Variants in FKTN observed in about 807,000 individuals in gnomAD.
The protein encoded by FKTN is ribitol-5-phosphate transferase FKTN.
Under a neutral mutation model 58.6 loss-of-function variants are expected in FKTN, and 47 were observed. That is an observed-to-expected ratio of 0.80 (90% CI 0.63 to 1.02). The LOEUF (loss-of-function observed/expected upper bound fraction) is 1.02. Among genes scored for constraint, FKTN ranks in the 50% least tolerant of loss-of-function variants. The pLI is 0.00. For synonymous variants in FKTN, 178 were observed against 191.9 expected (o/e 0.93, Z 0.60); for missense variants, 516 against 537.3 (o/e 0.96, Z 0.39).
chr9:105,578,600 A>G (rs1842228506), intron 3 of FKTN, among the ~76,000 whole-genome samples: 1 of 151,702 alleles, frequency 6.6e-6, no homozygotes, highest in South Asian at 2.1e-4. Flanking sequence ...TTTTGCATCA[A>G]TGTTCATCAA....
intron 6 of FKTN, among the ~76,000 whole-genome samples, chr9:105,606,750 T>A (rs964600604): frequency 6.6e-6 from 1 of 150,824 alleles, no homozygotes; most frequent in Non-Finnish European, 1.5e-5. Flanking sequence ...TTCTTATTAG[T>A]ACTTAAAGTC....
intron 1 of FKTN, among the ~76,000 whole-genome samples, chr9:105,565,368 G>T (rs4542857): frequency 1.3e-5 from 2 of 152,232 alleles, no homozygotes; most frequent in South Asian, 4.1e-4. Flanking sequence ...TGGATAAAGA[G>T]TCAAGACCCA....
At chr9:105,577,202 G>A (rs1282669779) in intron 3 of FKTN, among the ~76,000 whole-genome samples, 1 of 150,858 alleles carries the variant, frequency 6.6e-6, no homozygotes, top group East Asian at 1.9e-4. Flanking sequence ...TTTGTCTTTT[G>A]TTGCTATTGC....
intron 3 of FKTN, among the ~76,000 whole-genome samples, chr9:105,582,321 G>A (rs150847202): frequency 6.6e-6 from 1 of 152,300 alleles, no homozygotes; most frequent in East Asian, 1.9e-4. Context: ...CTCCTGAGTT[G>A]TTAGGAGGAC....
chr9:105,632,229 G>A (rs950641537), intron 10 of FKTN, among the ~76,000 whole-genome samples: 1 of 151,616 alleles, frequency 6.6e-6, no homozygotes, highest in Non-Finnish European at 1.5e-5. Context: ...GAGATCACAT[G>A]GACACAGGAA....
chr9:105,638,488 A>G lies in FKTN; in HGVS notation c.*3224A>G. 1 of 985,384 alleles carries G rather than the reference A, an allele frequency of 1.0e-6. No individual in the cohort carries two copies. The highest frequency in any genetic ancestry group is 1.2e-6 in the Non-Finnish European group (1 of 829,930). The allele number at this position is 985,384 out of a possible 1,614,324, so 61.0% of individuals were successfully genotyped here. A position where few individuals can be genotyped will look rare whatever the true frequency, so the allele number is the denominator to read the frequency against. On this transcript the variant is annotated 3_prime_UTR_variant, in exon 11 of 11. Coordinates refer to ENST00000357998, the MANE Select transcript of FKTN (RefSeq NM_001079802.2). ...ATTCTCTAAGCTCAAGATGCATCCCATTGCCACTTTACCATTCTATTTCCC... is the reference window on the plus strand; with the variant it reads ...ATTCTCTAAGCTCAAGATGCATCCCGTTGCCACTTTACCATTCTATTTCCC...
intron 10 of FKTN, among the ~76,000 whole-genome samples, chr9:105,625,575 AG>A (rs988747693): frequency 1.3e-5 from 2 of 152,198 alleles, no homozygotes; most frequent in African/African-American, 4.8e-5. Flanking sequence ...TGGGTGGTTG[AG>A]GACCTATGCT....
chr9:105,604,215 G>A lies in FKTN; in HGVS notation c.370G>A (p.Glu124Lys). The change falls in exon 6 of 11, where the codon GAA (glutamate) becomes AAA (lysine). Residue 124 changes from glutamate to lysine, a missense_variant and splice_region_variant. Transcript: ENST00000357998. ...ATGTTTGATGCTTCTTTGGTTCTAG[G>A]AAGGCTGGTTTCGGATAGCTGAGAA... ...ALQYHLWKNE[E>K]GWFRIAENMG... 1 of 1,612,284 alleles carries A rather than the reference G, an allele frequency of 6.2e-7. No individual in the cohort carries two copies. Among genetic ancestry groups the A allele is most frequent in the South Asian group, 1.1e-5 (1 of 90,998 alleles).
At chr9:105,609,048 CT>C (rs1829423908) in intron 7 of FKTN, among the ~76,000 whole-genome samples, 1 of 152,168 alleles carries the variant, frequency 6.6e-6, no homozygotes. Flanking sequence ...GTCTTGTCCT[CT>C]TATCAAATTT....
At chr9:105,558,751 C>T (rs1482956110) in intron 1 of FKTN, among the ~76,000 whole-genome samples, 2 of 151,856 alleles carry the variant, frequency 1.3e-5, no homozygotes, top group Non-Finnish European at 2.9e-5. Flanking sequence ...AATGATAGAG[C>T]AGTATATTAG....
intron 3 of FKTN, among the ~76,000 whole-genome samples, chr9:105,579,725 G>A (rs1034736569): frequency 7.0e-6 from 1 of 141,966 alleles, no homozygotes; most frequent in South Asian, 2.5e-4. Context: ...TATCCTTGTT[G>A]ACTTTCTGTC....
At position 105,564,915 on chromosome 9, in the gene FKTN, A is replaced by T. The variant is rs192175287; in HGVS notation, c.-181+6750A>T. On this transcript the variant is annotated intron_variant, in intron 1 of 10. Transcript: ENST00000357998. ...GCCAGAGAGAAAGGTCGGGTTACCC[A>T]CAAAGGGAAGCCCATCAGACTAACA... is the stretch of plus-strand genomic sequence containing the variant. 4.0e-3 allele frequency among the ~76,000 whole-genome samples: 603 copies of T among 152,352 alleles called. 6 individuals are homozygous for T. Among genetic ancestry groups the T allele is most frequent in the African/African-American group, 0.013 (548 of 41,590 alleles).
intron 3 of FKTN, among the ~76,000 whole-genome samples, chr9:105,584,150 C>T (rs1843499000): frequency 6.6e-6 from 1 of 152,124 alleles, no homozygotes; most frequent in African/African-American, 2.4e-5. Flanking sequence ...GAGGCAATAA[C>T]AGTACCACCT....
chr9:105,566,017 A>G (rs1839520051), intron 1 of FKTN, among the ~76,000 whole-genome samples: 1 of 152,240 alleles, frequency 6.6e-6, no homozygotes, highest in Non-Finnish European at 1.5e-5. Context: ...GCTCAAATAC[A>G]TGGAAACTGA....
At chr9:105,602,961 T>C (rs141131361) in intron 5 of FKTN, among the ~76,000 whole-genome samples, 22 of 152,296 alleles carry the variant, frequency 1.4e-4, no homozygotes, top group African/African-American at 4.3e-4. Flanking sequence ...TTGCATGTGA[T>C]TTTTCTTTAT....
At chr9:105,582,237 G>T (rs537400790) in intron 3 of FKTN, among the ~76,000 whole-genome samples, 2 of 151,450 alleles carry the variant, frequency 1.3e-5, no homozygotes, top group South Asian at 2.1e-4. Flanking sequence ...CGTCACCCAG[G>T]CTGAAGTACA....
At chr9:105,571,578 G>A (rs1455798611) in intron 1 of FKTN, among the ~76,000 whole-genome samples, 1 of 152,172 alleles carries the variant, frequency 6.6e-6, no homozygotes, top group Admixed American at 6.5e-5. Flanking sequence ...TTTTATGCCT[G>A]TAGTAGCTTA....
At chr9:105,619,341 TG>T (rs1364211561) in intron 9 of FKTN, among the ~76,000 whole-genome samples, 4 of 152,210 alleles carry the variant, frequency 2.6e-5, no homozygotes, top group Non-Finnish European at 4.4e-5. Context: ...TGATGAGTGC[TG>T]TGGCGGACAG....
At position 105,636,488 on chromosome 9, in the gene FKTN, CTTCT is replaced by C; in HGVS notation, c.*1225_*1228del. ...AATGTCGATGGGGCAAGAACTCAGA[CTTCT>C]ACTTTACCAAGTACCACACACTCTG... On this transcript the variant is annotated 3_prime_UTR_variant, in exon 11 of 11. Coordinates refer to ENST00000357998, the MANE Select transcript of FKTN (RefSeq NM_001079802.2). 1 of 1,002,840 alleles carries C rather than the reference CTTCT, an allele frequency of 1.0e-6. No individual in the cohort carries two copies. The highest frequency in any genetic ancestry group is 1.2e-6 in the Non-Finnish European group (1 of 838,468). The allele number at this position is 1,002,840 out of a possible 1,614,324, so 62.1% of individuals were successfully genotyped here.
Sources: allele counts gnomAD v4.1 joint callset (sites outside exome capture counted in the v4.1 genomes callset), GRCh38; gene constraint gnomAD v4.1.1; transcripts MANE v1.5; gene names NCBI Gene and HGNC (gene_info 2026-07-23, HGNC 2026-07-21).